The following UGT2B4 variants were observed in gnomAD, a reference collection of about 807,000 sequenced individuals.
The protein encoded by UGT2B4 is UDP glucuronosyltransferase family 2 member B4.
In UGT2B4, 49 loss-of-function variants were observed where a neutral mutation model predicts 49.8. The ratio of observed to expected loss-of-function variants is 0.98; its 90% confidence interval spans 0.78 to 1.25. The LOEUF (loss-of-function observed/expected upper bound fraction) is 1.25. Among genes scored for constraint, UGT2B4 ranks in the 50% most tolerant of loss-of-function variants. UGT2B4 has a pLI of 0.00. For synonymous variants in UGT2B4, 246 were observed against 217.7 expected (o/e 1.13, Z -1.14); for missense variants, 729 against 627.7 (o/e 1.16, Z -1.73).
chr4:69,515,134 G>T (rs1728698521), intron 1 of UGT2B4, among the ~76,000 whole-genome samples: 2 of 152,204 alleles, frequency 1.3e-5, no homozygotes, highest in South Asian at 4.1e-4. Context: ...ATTAACAAAG[G>T]TATTAAGGGC....
At chr4:69,515,111 A>G (rs902002945) in intron 1 of UGT2B4, among the ~76,000 whole-genome samples, 1 of 152,208 alleles carries the variant, frequency 6.6e-6, no homozygotes, top group Non-Finnish European at 1.5e-5. Flanking sequence ...TTAGAAGATC[A>G]TTGAGACAGA....
chr4:69,507,534 CA>C (rs1296752238), intron 1 of UGT2B4, among the ~76,000 whole-genome samples: 14 of 151,984 alleles, frequency 9.2e-5, no homozygotes, highest in Admixed American at 9.2e-4. Flanking sequence ...AATAACCAAC[CA>C]AACAAACAAA....
chr4:69,500,657 G>GAAAGAAAGAA (rs1728293344), upstream of UGT2B4, among the ~76,000 whole-genome samples: 6 of 119,058 alleles, frequency 5.0e-5, no homozygotes, highest in African/African-American at 1.6e-4. Context: ...AAGAAAGAAA[G>GAAAGAAAGAA]AAAGAAAGAA....
chr4:69,508,030 C>A (rs961909456), intron 1 of UGT2B4, among the ~76,000 whole-genome samples: 15 of 151,884 alleles, frequency 9.9e-5, no homozygotes, highest in Non-Finnish European at 2.2e-4. Context: ...AAAAAGTGGG[C>A]AAAGGATATA....
intron 1 of UGT2B4, among the ~76,000 whole-genome samples, chr4:69,505,877 G>A (rs1221173860): frequency 6.6e-6 from 1 of 152,128 alleles, no homozygotes; most frequent in African/African-American, 2.4e-5. Flanking sequence ...TTGGACTACA[G>A]TCCAATCAAC....
rs757739776 is a variant in UGT2B4 at position 69,480,662 on chromosome 4, C to T, written c.1559G>A (p.Arg520Lys). 6 of 1,614,042 alleles carry T rather than the reference C, an allele frequency of 3.7e-6. No individual in the cohort carries two copies. Among genetic ancestry groups the T allele is most frequent in the Non-Finnish European group, 3.4e-6 (4 of 1,179,972 alleles). ...ATCTCTTTTCCCCTTCTTTCCTGTT[C>T]TAACAAACTTCCAGACACAAAACAG... Reference protein sequence around the residue: ...KCLFCVWKFVRTGKKGKRD With the variant: ...KCLFCVWKFVKTGKKGKRD Residue 520 changes from arginine to lysine, a missense_variant, in exon 6 of 6, where the codon AGA (arginine) becomes AAA (lysine). Physicochemically the swap from Arg to Lys is conservative, Grantham distance 26. Coordinates refer to ENST00000305107, the MANE Select transcript of UGT2B4 (RefSeq NM_021139.3).
intron 2 of UGT2B4, among the ~76,000 whole-genome samples, chr4:69,491,547 T>C (rs1385547502): frequency 1.3e-5 from 2 of 152,102 alleles, no homozygotes; most frequent in African/African-American, 2.4e-5. Context: ...TTTAATTGAA[T>C]AGAAAGCAAA....
chr4:69,503,849 T>C (rs1236739801), intron 1 of UGT2B4, among the ~76,000 whole-genome samples: 1 of 152,164 alleles, frequency 6.6e-6, no homozygotes, highest in Non-Finnish European at 1.5e-5. Context: ...CTGCTGCAGC[T>C]GCTTCACCTG....
intron 2 of UGT2B4, among the ~76,000 whole-genome samples, chr4:69,490,075 C>T (rs1727934654): frequency 6.6e-6 from 1 of 152,062 alleles, no homozygotes; most frequent in African/African-American, 2.4e-5. Flanking sequence ...CTACATTTAT[C>T]TTATTCTATA....
intron 1 of UGT2B4, among the ~76,000 whole-genome samples, chr4:69,523,639 T>A (rs1014685858): frequency 6.6e-6 from 1 of 152,208 alleles, no homozygotes; most frequent in East Asian, 1.9e-4. Context: ...GATTTCCTGA[T>A]AAATAAACAT....
intron 1 of UGT2B4, among the ~76,000 whole-genome samples, chr4:69,515,002 A>T (rs949280580): frequency 6.6e-6 from 1 of 152,216 alleles, no homozygotes; most frequent in East Asian, 1.9e-4. Context: ...CATCCAACAC[A>T]GGAGCACCCA....
At chr4:69,523,548 G>A (rs62307003) in intron 1 of UGT2B4, among the ~76,000 whole-genome samples, 53,335 of 151,730 alleles carry the variant, frequency 0.35, 9,454 homozygotes, top group Non-Finnish European at 0.37. Flanking sequence ...TGCTATAAAC[G>A]GAGTGCTGTC....
At chr4:69,489,715 G>T in intron 2 of UGT2B4, 145 bp from the exon 3 acceptor site, 1 of 1,180,986 alleles carries the variant, frequency 8.5e-7, no homozygotes, top group Non-Finnish European at 1.2e-6. Flanking sequence ...CAATTACTCA[G>T]TTTTTTTTGC....
intron 1 of UGT2B4, among the ~76,000 whole-genome samples, chr4:69,502,137 CTTTCT>C (rs1199321885): frequency 8.2e-6 from 1 of 121,232 alleles, no homozygotes; most frequent in East Asian, 2.3e-4. Flanking sequence ...TTCTTTCTTT[CTTTCT>C]TTCTTTCTCT....
At chr4:69,506,755 G>T (rs1728478805) in intron 1 of UGT2B4, among the ~76,000 whole-genome samples, 1 of 152,054 alleles carries the variant, frequency 6.6e-6, no homozygotes, top group South Asian at 2.1e-4. Flanking sequence ...CCAAAACCTG[G>T]CAGAGATGTA....
intron 1 of UGT2B4, among the ~76,000 whole-genome samples, chr4:69,512,512 A>G (rs1373878902): frequency 3.3e-5 from 5 of 152,068 alleles, no homozygotes; most frequent in Admixed American, 2.0e-4. Flanking sequence ...ACCATAGTTG[A>G]TATGATTTCA....
At chr4:69,494,972 T>C (rs1054205272) in intron 1 of UGT2B4, among the ~76,000 whole-genome samples, 169 bp downstream of exon 1, 4 of 152,152 alleles carry the variant, frequency 2.6e-5, no homozygotes, top group Admixed American at 1.3e-4. Context: ...GATCCTATAA[T>C]TTACATTTTC....
rs757728339 is a variant in UGT2B4, at chr4:69,489,482, C to T, written c.959G>A (p.Arg320Lys). The T allele has an allele frequency of 1.9e-6, 3 of 1,611,592 alleles. No homozygotes were observed. The highest frequency in any genetic ancestry group is 2.5e-6 in the Non-Finnish European group (3 of 1,178,596). ...GSMVSNTSEE[R>K]ANVIASALAK... ...AAGGGCTGATGCAATTACATTGGCCCTTTCTTCTGACGTGTTACTGACCAT... is the reference window on the plus strand; with the variant it reads ...AAGGGCTGATGCAATTACATTGGCCTTTTCTTCTGACGTGTTACTGACCAT... Residue 320 changes from arginine to lysine, a missense_variant, in exon 3 of 6, where the codon AGG becomes AAG. Physicochemically the swap from Arg to Lys is conservative, Grantham distance 26. Coordinates refer to ENST00000305107, the MANE Select transcript of UGT2B4 (RefSeq NM_021139.3).
At position 69,495,669 on chromosome 4, in the gene UGT2B4, C is replaced by G. The variant is rs140509960; in HGVS notation, c.193G>C (p.Asp65His). ...TTAAGAGTAGATGGGCTGTTGGGAT[C>G]GAAAGAAATGGAAGCTGAAGATGCC... The part of the protein sequence containing the change: ...VLASSASISF[D>H]PNSPSTLKFE... The change falls in exon 1 of 6, where the codon GAT (aspartate) becomes CAT (histidine). Residue 65 changes from aspartate to histidine, a missense_variant. Coordinates refer to ENST00000305107, the MANE Select transcript of UGT2B4 (RefSeq NM_021139.3). 6.2e-7 allele frequency: 1 copy of G among 1,613,946 alleles called. No individual in the cohort carries two copies. The highest frequency in any genetic ancestry group is 1.7e-5 in the Admixed American group (1 of 59,986).
Sources: allele counts gnomAD v4.1 joint callset (sites outside exome capture counted in the v4.1 genomes callset), GRCh38; gene constraint gnomAD v4.1.1; transcripts MANE v1.5; gene names NCBI Gene and HGNC (gene_info 2026-07-23, HGNC 2026-07-21).